SYCP2L: variants seen among roughly 807,000 people sequenced by gnomAD.
SYCP2L encodes the protein synaptonemal complex protein 2 like.
Under a neutral mutation model 125.8 loss-of-function variants are expected in SYCP2L, and 98 were observed. The observed-to-expected ratio is 0.78, with a 90% CI of 0.66 to 0.92. The LOEUF (loss-of-function observed/expected upper bound fraction) is 0.92, where lower values mean the gene tolerates loss of function less well. Among genes scored for constraint, SYCP2L ranks in the 40% least tolerant of loss-of-function variants. SYCP2L has a pLI of 0.00. For missense variants in SYCP2L, 842 were observed against 936.4 expected, an observed-to-expected ratio of 0.90 and a Z score of 1.32; for synonymous variants, 317 against 325.4, an observed-to-expected ratio of 0.97 and a Z score of 0.28.
intron 23 of SYCP2L, among the ~76,000 whole-genome samples, chr6:10,949,633 G>T (rs1478005830): frequency 1.3e-5 from 2 of 151,206 alleles, no homozygotes; most frequent in Non-Finnish European, 2.9e-5. Flanking sequence ...ATCAGGAAGT[G>T]ACTGTTCATC....
Position 10,921,964 on chromosome 6 carries a change from C to G in SYCP2L, c.1073-2532C>G, listed in dbSNP as rs143606823. ...CTCGTGATCTGCCCGCCTCGGCCTCCCAAAGTGCTGGATTACAGGCGTGAG... is the reference window on the plus strand; with the variant it reads ...CTCGTGATCTGCCCGCCTCGGCCTCGCAAAGTGCTGGATTACAGGCGTGAG... On this transcript the variant is annotated intron_variant, in intron 14 of 29. Transcript: ENST00000283141. Among the ~76,000 whole-genome samples, 1,113 of 152,266 alleles carry G rather than the reference C, an allele frequency of 7.3e-3. 17 individuals carry two copies. Among genetic ancestry groups the G allele is most frequent in the African/African-American group, 0.026 (1,065 of 41,550 alleles).
At chr6:10,894,225 T>C (rs1780221720) in intron 4 of SYCP2L, 21 bp downstream of exon 4, 1 of 1,609,644 alleles carries the variant, frequency 6.2e-7, no homozygotes, top group Non-Finnish European at 8.5e-7. Flanking sequence ...TATTTTAATT[T>C]TATATGGCTT....
At chr6:10,915,405 C>G (rs1780676162) in intron 14 of SYCP2L, among the ~76,000 whole-genome samples, 1 of 152,134 alleles carries the variant, frequency 6.6e-6, no homozygotes, top group Non-Finnish European at 1.5e-5. Flanking sequence ...TTCCAGTTCT[C>G]AGATGGAATG....
rs556771381 is a variant in SYCP2L, at chr6:10,968,060, C to T, written c.*37+4217C>T. Reference sequence around the variant, plus strand: ...AAAGAGAAATAGAAGCCAGTTCCTTCGATGGACCAGTTATAAAGTAATGGG... The same window carrying T: ...AAAGAGAAATAGAAGCCAGTTCCTTTGATGGACCAGTTATAAAGTAATGGG... On this transcript the variant is annotated intron_variant, in intron 29 of 29. Transcript: ENST00000283141. Among the ~76,000 whole-genome samples the T allele has an allele frequency of 7.9e-5, 12 of 152,232 alleles. No homozygotes were observed. The South Asian group carries it at 1.2e-3, about 16-fold the overall frequency.
At chr6:10,925,550 ATAC>A (rs1364536568) in intron 15 of SYCP2L, among the ~76,000 whole-genome samples, 1 of 152,240 alleles carries the variant, frequency 6.6e-6, no homozygotes, top group African/African-American at 2.4e-5. Context: ...AAGGCAAAAA[ATAC>A]TGTGGTAATG....
intron 1 of SYCP2L, among the ~76,000 whole-genome samples, chr6:10,891,053 A>G (rs1780163668): frequency 6.6e-6 from 1 of 152,184 alleles, no homozygotes; most frequent in African/African-American, 2.4e-5. Flanking sequence ...GTCTGTTTTT[A>G]TGCCAGTACC....
At chr6:10,907,733 C>T (rs1181772084) in intron 10 of SYCP2L, 49 bp downstream of exon 10, 3 of 1,591,862 alleles carry the variant, frequency 1.9e-6, no homozygotes, top group Non-Finnish European at 2.6e-6. Context: ...ATTTATTAAG[C>T]ATCCGCTGAG....
intron 1 of SYCP2L, among the ~76,000 whole-genome samples, chr6:10,890,478 G>A (rs1343375953): frequency 6.6e-6 from 1 of 151,928 alleles, no homozygotes; most frequent in South Asian, 2.1e-4. Context: ...TATACCTGTT[G>A]GTCATTTGTA....
At chr6:10,901,035 T>C (rs1216161949) in intron 6 of SYCP2L, among the ~76,000 whole-genome samples, 1 of 152,234 alleles carries the variant, frequency 6.6e-6, no homozygotes, top group South Asian at 2.1e-4. Flanking sequence ...ACTCCTTCCT[T>C]TTTGTTCTGA....
chr6:10,961,304 G>A lies in SYCP2L; in HGVS notation c.2256-1G>A, dbSNP rs754134909. The stretch of plus-strand genomic sequence containing the variant: ...ATATTTACTGCTTTTATGTTTATTA[G>A]ACTCAATAAACTAGAGCGCTTTCAA... On this transcript the variant is annotated splice_acceptor_variant, in intron 26 of 29. Coordinates refer to ENST00000283141, the MANE Select transcript of SYCP2L (RefSeq NM_001040274.3). LOFTEE classifies it high-confidence loss of function. The A allele has an allele frequency of 6.2e-7, 1 of 1,610,870 alleles. No individual in the cohort carries two copies. Among genetic ancestry groups the A allele is most frequent in the Admixed American group, 1.7e-5 (1 of 59,984 alleles).
intron 2 of SYCP2L, among the ~76,000 whole-genome samples, chr6:10,891,846 G>A (rs1780180704): frequency 6.6e-6 from 1 of 152,036 alleles, no homozygotes; most frequent in Admixed American, 6.6e-5. Context: ...CAATATCCTA[G>A]TCTAAACTAT....
intron 25 of SYCP2L, among the ~76,000 whole-genome samples, chr6:10,957,053 T>C (rs1781512725): frequency 6.6e-6 from 1 of 151,584 alleles, no homozygotes. Flanking sequence ...GGTCTTACAC[T>C]TCTGGCCTAA....
At chr6:10,917,571 A>G (rs1013944337) in intron 14 of SYCP2L, among the ~76,000 whole-genome samples, 1 of 152,236 alleles carries the variant, frequency 6.6e-6, no homozygotes, top group African/African-American at 2.4e-5. Context: ...AAGACAGCAG[A>G]TGGTTGGTGA....
chr6:10,897,452 C>T (rs924627293), intron 4 of SYCP2L, among the ~76,000 whole-genome samples: 5 of 150,458 alleles, frequency 3.3e-5, no homozygotes, highest in African/African-American at 1.2e-4. Context: ...CTCTGTTCCC[C>T]AGGCTGGAGA....
chr6:10,942,871 G>GTCC, intron 23 of SYCP2L, 125 bp downstream of exon 23: 1 of 849,516 alleles, frequency 1.2e-6, no homozygotes, highest in Middle Eastern at 3.6e-4. Flanking sequence ...TTGCCAGGCC[G>GTCC]TGGAGGGAGC....
intron 24 of SYCP2L, among the ~76,000 whole-genome samples, chr6:10,955,807 C>T (rs1026209695): frequency 2.0e-5 from 3 of 152,146 alleles, no homozygotes; most frequent in African/African-American, 7.2e-5. Flanking sequence ...CAGAACAGCA[C>T]CAGACCCCTT....
chr6:10,910,766 G>A, intron 11 of SYCP2L, 58 bp from the exon 12 acceptor site: 1 of 1,570,040 alleles, frequency 6.4e-7, no homozygotes, highest in South Asian at 1.1e-5. Context: ...CGGAACGTCT[G>A]TAGATGTGTT....
chr6:10,940,150 T>TC (rs778574158), intron 21 of SYCP2L, among the ~76,000 whole-genome samples: 1 of 152,144 alleles, frequency 6.6e-6, no homozygotes, highest in Non-Finnish European at 1.5e-5. Flanking sequence ...CTCACACCTG[T>TC]CCAGATAGCT....
rs1310647926 is a variant in SYCP2L, at chr6:10,930,349, A to G, written c.1489-21A>G. On this transcript the variant is annotated intron_variant, in intron 18 of 29. Transcript: ENST00000283141. ...CACTAACACCCCTCTAAAAATTCTC[A>G]TTTATGATCTGTGCTTGTAGAAGTC... 2.5e-6 allele frequency: 4 copies of G among 1,597,452 alleles called. No homozygotes were observed. In the East Asian group the frequency reaches 6.7e-5, roughly 27 times the overall value.
Sources: gnomAD v4.1 joint callset for allele counts (sites outside exome capture counted in the v4.1 genomes callset) on GRCh38, gnomAD v4.1.1 for gene constraint, MANE v1.5 for transcripts, NCBI Gene and HGNC (gene_info 2026-07-23, HGNC 2026-07-21) for gene names.